RRP15: variants seen among roughly 807,000 people sequenced by gnomAD.
RRP15 encodes the protein ribosomal RNA processing 15 homolog.
Under a neutral mutation model 27.1 loss-of-function variants are expected in RRP15, and 18 were observed. The observed-to-expected ratio is 0.66, with a 90% confidence interval of 0.46 to 0.98. The LOEUF (loss-of-function observed/expected upper bound fraction) is 0.98, where lower values mean the gene tolerates loss of function less well. Among genes scored for constraint, RRP15 ranks in the 50% least tolerant of loss-of-function variants. The pLI is 0.00. For synonymous variants in RRP15, 107 were observed against 109.4 expected (o/e 0.98, Z 0.14); for missense variants, 359 against 337.8 (o/e 1.06, Z -0.49).
chr1:218,300,764 G>C (rs1655799044), intron 1 of RRP15, among the ~76,000 whole-genome samples: 1 of 152,208 alleles, frequency 6.6e-6, no homozygotes, highest in African/African-American at 2.4e-5. Flanking sequence ...AGACTTCTCA[G>C]AAGGTAGAAA....
Position 218,337,466 on chromosome 1 carries a change from A to G in RRP15, c.*6375A>G, listed in dbSNP as rs1656467058. The G allele has an allele frequency of 6.6e-6, 1 of 152,232 alleles. No individual in the cohort carries two copies. The highest frequency in any genetic ancestry group is 2.4e-5 in the African/African-American group (1 of 41,466). 9.4% of individuals were successfully genotyped at this position (152,232 alleles called of 1,614,324 possible). On this transcript the variant is annotated 3_prime_UTR_variant, in exon 5 of 5. Coordinates refer to ENST00000366932, the MANE Select transcript of RRP15 (RefSeq NM_016052.4). The stretch of plus-strand genomic sequence containing the variant: ...AGTTCAGTGATATGAGGACATTTAC[A>G]TAAACTATCGAACCACCAGTCTTCT...
chr1:218,318,777 C>A (rs1184135856), intron 4 of RRP15, among the ~76,000 whole-genome samples: 1 of 151,456 alleles, frequency 6.6e-6, no homozygotes, highest in East Asian at 2.0e-4. Flanking sequence ...ACCCTCCCCA[C>A]CTCCCAGTTA....
chr1:218,298,451 C>A (rs1257199205), intron 1 of RRP15, among the ~76,000 whole-genome samples: 1 of 152,144 alleles, frequency 6.6e-6, no homozygotes, highest in Non-Finnish European at 1.5e-5. Flanking sequence ...TTTGTCCTTT[C>A]TTGGCCATCA....
intron 4 of RRP15, 96 bp downstream of exon 4, chr1:218,307,728 G>T: frequency 1.2e-6 from 1 of 846,298 alleles, no homozygotes; most frequent in East Asian, 2.7e-5. Context: ...AGAGTTTTGT[G>T]TTTTTTTCCT....
In RRP15 at chr1:218,336,137, T is replaced by C. The variant is rs1185228790; in HGVS notation, c.*5046T>C. 1.3e-5 allele frequency: 2 copies of C among 152,062 alleles called. No homozygotes were observed. The highest frequency in any genetic ancestry group is 2.9e-5 in the Non-Finnish European group (2 of 68,012). 9.4% of individuals were successfully genotyped at this position (152,062 alleles called of 1,614,324 possible). ...TCTAGAGGCCTACTTATTTAGGAGGTTTCCTAAGTAAGTGTATTTAGTTGT... is the reference window on the plus strand; with the variant it reads ...TCTAGAGGCCTACTTATTTAGGAGGCTTCCTAAGTAAGTGTATTTAGTTGT... On this transcript the variant is annotated 3_prime_UTR_variant, in exon 5 of 5. Transcript: ENST00000366932.
chr1:218,294,707 C>T (rs1467926673), intron 1 of RRP15, among the ~76,000 whole-genome samples: 3 of 151,902 alleles, frequency 2.0e-5, no homozygotes, highest in East Asian at 3.9e-4. Context: ...ATTAAATCAT[C>T]GAGGTGACTC....
Position 218,302,530 on chromosome 1 carries a change from A to G in RRP15, c.376A>G (p.Lys126Glu). ...GCTGGAAAAGGAAAAAGAAAAGTTA[A>G]AGCAAGAAAGACTAGAGAAAATAAA... is the stretch of plus-strand genomic sequence containing the variant. ...KKLEKEKEKLKQERLEKIKQR... is the reference protein window; with the variant it reads ...KKLEKEKEKLEQERLEKIKQR... Residue 126 changes from lysine (K) to glutamate (E), a missense_variant, in exon 2 of 5, where the codon AAG becomes GAG. By Grantham distance (56) the Lys-to-Glu change is moderately conservative (BLOSUM62 1). Coordinates refer to ENST00000366932, the MANE Select transcript of RRP15 (RefSeq NM_016052.4). 6.2e-7 allele frequency: 1 copy of G among 1,613,024 alleles called. No homozygotes were observed.
chr1:218,285,823 A>G (rs1442592782), intron 1 of RRP15, among the ~76,000 whole-genome samples: 1 of 152,094 alleles, frequency 6.6e-6, no homozygotes. Flanking sequence ...GCAAAAGGTT[A>G]AAAGAGGTAA....
At chr1:218,310,225 G>C (rs979330403) in intron 4 of RRP15, among the ~76,000 whole-genome samples, 1 of 152,142 alleles carries the variant, frequency 6.6e-6, no homozygotes, top group Non-Finnish European at 1.5e-5. Context: ...TGGAACAAAA[G>C]AAATCTTATT....
intron 4 of RRP15, among the ~76,000 whole-genome samples, chr1:218,308,494 A>G (rs1655938660): frequency 6.6e-6 from 1 of 152,148 alleles, no homozygotes; most frequent in South Asian, 2.1e-4. Flanking sequence ...TGATGGCTTG[A>G]TTTCTGTTGC....
intron 1 of RRP15, among the ~76,000 whole-genome samples, chr1:218,298,174 C>T (rs768882877): frequency 6.6e-6 from 1 of 152,066 alleles, no homozygotes; most frequent in African/African-American, 2.4e-5. Context: ...GTGATCTTGC[C>T]GTCTGATCAA....
chr1:218,315,488 C>CA (rs1656073981), intron 4 of RRP15, among the ~76,000 whole-genome samples: 1 of 152,162 alleles, frequency 6.6e-6, no homozygotes, highest in South Asian at 2.1e-4. Flanking sequence ...AGTGCAGTGT[C>CA]ACGATCTTGG....
At chr1:218,321,666 T>C (rs1300382033) in intron 4 of RRP15, among the ~76,000 whole-genome samples, 1 of 152,176 alleles carries the variant, frequency 6.6e-6, no homozygotes, top group Non-Finnish European at 1.5e-5. Flanking sequence ...ACTCTCTTTT[T>C]ATTCCTTTTA....
chr1:218,298,695 G>A (rs1218878996), intron 1 of RRP15, among the ~76,000 whole-genome samples: 1 of 152,102 alleles, frequency 6.6e-6, no homozygotes, highest in African/African-American at 2.4e-5. Context: ...TGTTCAATAT[G>A]GTAGCCTCTA....
intron 1 of RRP15, among the ~76,000 whole-genome samples, chr1:218,286,811 A>G (rs1299161652): frequency 6.6e-6 from 1 of 152,204 alleles, no homozygotes; most frequent in African/African-American, 2.4e-5. Context: ...AGGAAAACAA[A>G]CTATTTGTTG....
Position 218,332,572 on chromosome 1 carries a change from A to G in RRP15, c.*1481A>G, listed in dbSNP as rs1336060900. 1 of 152,144 alleles carries G rather than the reference A, an allele frequency of 6.6e-6. No individual in the cohort carries two copies. The highest frequency in any genetic ancestry group is 1.5e-5 in the Non-Finnish European group (1 of 68,020). 9.4% of individuals were successfully genotyped at this position (152,144 alleles called of 1,614,324 possible). On this transcript the variant is annotated 3_prime_UTR_variant, in exon 5 of 5. Coordinates refer to ENST00000366932, the MANE Select transcript of RRP15 (RefSeq NM_016052.4). ...CCAAAAAAACTATCCAAGAGCAGAGATGTTTATATTTTGAAACCCATTTGA... is the reference window on the plus strand; with the variant it reads ...CCAAAAAAACTATCCAAGAGCAGAGGTGTTTATATTTTGAAACCCATTTGA...
chr1:218,322,015 A>C (rs1656194674), intron 4 of RRP15, among the ~76,000 whole-genome samples: 1 of 152,302 alleles, frequency 6.6e-6, no homozygotes, highest in Middle Eastern at 3.4e-3. Context: ...AATTACCTTA[A>C]GCATATTCAG....
Position 218,335,214 on chromosome 1 carries a change from G to A in RRP15, c.*4123G>A, listed in dbSNP as rs1656430597. On this transcript the variant is annotated 3_prime_UTR_variant, in exon 5 of 5. Transcript: ENST00000366932. Reference sequence around the variant, plus strand: ...AGTCTACTGAACATAATTTCAGGGAGTTAGTATTTAGGACTTTTTACCTAG... The same window carrying A: ...AGTCTACTGAACATAATTTCAGGGAATTAGTATTTAGGACTTTTTACCTAG... The A allele has an allele frequency of 1.3e-5, 2 of 152,108 alleles. No homozygotes were observed. Among genetic ancestry groups the A allele is most frequent in the African/African-American group, 4.8e-5 (2 of 41,408 alleles). 9.4% of individuals were successfully genotyped at this position (152,108 alleles called of 1,614,324 possible). A position where few individuals can be genotyped will look rare whatever the true frequency, so the allele number is the denominator to read the frequency against.
chr1:218,308,215 G>A (rs1655934273), intron 4 of RRP15, among the ~76,000 whole-genome samples: 1 of 151,446 alleles, frequency 6.6e-6, no homozygotes, highest in Non-Finnish European at 1.5e-5. Flanking sequence ...AGGTTTACAG[G>A]CACATGCCAT....
Sources: allele counts gnomAD v4.1 joint callset (sites outside exome capture counted in the v4.1 genomes callset), GRCh38; gene constraint gnomAD v4.1.1; transcripts MANE v1.5; gene names NCBI Gene and HGNC (gene_info 2026-07-23, HGNC 2026-07-21).